ZNF398: variants seen among roughly 807,000 people sequenced by gnomAD.
The protein encoded by ZNF398 is zinc finger DNA binding protein ZER6.
In ZNF398, 18 loss-of-function variants were observed where a neutral mutation model predicts 41.9. That is an observed-to-expected ratio of 0.43 (90% CI 0.30 to 0.64). The LOEUF (loss-of-function observed/expected upper bound fraction) is 0.64. Among genes scored for constraint, ZNF398 ranks in the 30% least tolerant of loss-of-function variants. The pLI, the probability that ZNF398 is intolerant of heterozygous loss-of-function variation, is 0.14. For missense variants in ZNF398, 669 were observed against 822.8 expected (o/e 0.81, Z 2.29); for synonymous variants, 260 against 308.8 (o/e 0.84, Z 1.66).
rs59895177 is a variant in ZNF398, at chr7:149,148,863, C to CTTTTTTTTTTTTTTTT, written c.24+1110_24+1125dup. Among the ~76,000 whole-genome samples the CTTTTTTTTTTTTTTTT allele has an allele frequency of 6.2e-3, 390 of 63,268 alleles. 67 individuals are homozygous for CTTTTTTTTTTTTTTTT. Among genetic ancestry groups the CTTTTTTTTTTTTTTTT allele is most frequent in the Middle Eastern group, 0.018 (1 of 56 alleles). 41.5% of individuals were successfully genotyped at this position (63,268 alleles called of 152,430 possible). On this transcript the variant is annotated intron_variant, in intron 1 of 5. Transcript: ENST00000475153. ...TTTATGCACGGACCTTTTTCTTTGT[C>CTTTTTTTTTTTTTTTT]TTTTTTTTTTTTTTTTTTTTTTTTT...
chr7:149,171,005 G>A (rs1245285571), intron 4 of ZNF398, among the ~76,000 whole-genome samples: 18 of 141,500 alleles, frequency 1.3e-4, no homozygotes, highest in African/African-American at 4.8e-4. Context: ...CACCACGCCC[G>A]GCTAATTTTT....
At chr7:149,169,292 C>T (rs1795283017) in intron 4 of ZNF398, among the ~76,000 whole-genome samples, 1 of 152,124 alleles carries the variant, frequency 6.6e-6, no homozygotes, top group Non-Finnish European at 1.5e-5. Context: ...GCCATGTTGG[C>T]CAGGCCGGTC....
intron 1 of ZNF398, among the ~76,000 whole-genome samples, chr7:149,148,912 C>G (rs1450571804): frequency 1.2e-5 from 1 of 86,202 alleles, no homozygotes; most frequent in Non-Finnish European, 2.1e-5. Context: ...CTATCATGAT[C>G]AGTATTTTAT....
At chr7:149,139,353 C>G (rs1440331435) in intron 2 of ZNF398, among the ~76,000 whole-genome samples, 1 of 152,064 alleles carries the variant, frequency 6.6e-6, no homozygotes, top group African/African-American at 2.4e-5. Context: ...ACCAGTGTAC[C>G]TGGTCTATTG....
intron 5 of ZNF398, 37 bp from the exon 6 acceptor site, chr7:149,178,609 AGT>A: frequency 6.5e-7 from 1 of 1,546,370 alleles, no homozygotes; most frequent in Middle Eastern, 1.8e-4. Flanking sequence ...CTAGTGAGAC[AGT>A]TATTGATGGG....
rs778615097 is a variant in ZNF398 at position 149,179,722 on chromosome 7, C to A, written c.1850C>A (p.Thr617Asn). The A allele has an allele frequency of 3.7e-6, 6 of 1,613,888 alleles. No homozygotes were observed. Among genetic ancestry groups the A allele is most frequent in the Non-Finnish European group, 5.1e-6 (6 of 1,179,904 alleles). ...GGTCCCCTCATAACTGGGCTTGAAA[C>A]TTCTGGCCTGGGTGTCAACACTGAA... ...PPGPLITGLE[T>N]SGLGVNTEGL... is the part of the protein sequence containing the mutation. The change falls in exon 6 of 6, where the codon ACT becomes AAT. Residue 617 changes from threonine (T) to asparagine (N), a missense_variant. This residue lies in a region of ZNF398 where 210 missense variants were observed against 290.4 expected (regional missense o/e 0.72). Transcript: ENST00000475153. The surrounding 1 kb of genome is among the most constrained non-coding windows in gnomAD (Gnocchi z 6.1).
chr7:149,174,149 C>T (rs544115514), intron 4 of ZNF398, among the ~76,000 whole-genome samples: 3 of 152,104 alleles, frequency 2.0e-5, no homozygotes, highest in South Asian at 2.1e-4. Context: ...AAATGAACAC[C>T]GGGTTCAAGT....
intron 2 of ZNF398, among the ~76,000 whole-genome samples, chr7:149,156,262 T>G (rs1794974616): frequency 6.6e-6 from 1 of 151,690 alleles, no homozygotes; most frequent in Non-Finnish European, 1.5e-5. Flanking sequence ...ATCCCACCAC[T>G]TTGGGAGGTT....
chr7:149,174,920 TC>T (rs61601542), intron 4 of ZNF398, among the ~76,000 whole-genome samples: 5,458 of 151,976 alleles, frequency 0.036, 318 homozygotes, highest in African/African-American at 0.12. Flanking sequence ...ATCCAGTCTT[TC>T]CCCCCCTCTG....
Position 149,166,393 on chromosome 7 carries a change from C to T in ZNF398, c.547+109C>T. On this transcript the variant is annotated intron_variant, in intron 3 of 5. Transcript: ENST00000475153. ...ATTCTCACTCTGTCTTCACACACTT[C>T]AAATTCTGGTTTCAAGCCAAAATAT... 5 of 1,414,530 alleles carry T rather than the reference C, an allele frequency of 3.5e-6. No individual in the cohort carries two copies. The South Asian group carries it at 6.4e-5, about 18-fold the overall frequency. 87.6% of individuals were successfully genotyped at this position (1,414,530 alleles called of 1,614,324 possible).
intron 2 of ZNF398, among the ~76,000 whole-genome samples, chr7:149,135,947 G>A (rs746533392): frequency 6.6e-6 from 1 of 151,910 alleles, no homozygotes; most frequent in African/African-American, 2.4e-5. Flanking sequence ...CGGAGACTAC[G>A]TCTCCAAAAA....
intron 2 of ZNF398, among the ~76,000 whole-genome samples, chr7:149,155,724 TTTTTTA>T (rs1794958527): frequency 1.2e-5 from 1 of 83,666 alleles, no homozygotes; most frequent in Non-Finnish European, 2.2e-5. Context: ...TTTTTTTTTT[TTTTTTA>T]ATTTTTTTTT....
At chr7:149,173,093 A>ATTTT (rs71192762) in intron 4 of ZNF398, among the ~76,000 whole-genome samples, 1 of 64,956 alleles carries the variant, frequency 1.5e-5, no homozygotes, top group African/African-American at 5.8e-5. Context: ...GGCAATTTCT[A>ATTTT]TTTTTTTTTT....
chr7:149,175,720 T>C (rs1795446967), intron 4 of ZNF398, among the ~76,000 whole-genome samples: 1 of 152,194 alleles, frequency 6.6e-6, no homozygotes, highest in African/African-American at 2.4e-5. Flanking sequence ...TTTTTGCTCT[T>C]GTTGCCCAGG....
chr7:149,140,766 G>A (rs770022075), intron 2 of ZNF398, among the ~76,000 whole-genome samples: 4 of 151,906 alleles, frequency 2.6e-5, no homozygotes, highest in Non-Finnish European at 5.9e-5. Context: ...CTGGCTGTGC[G>A]TGGTAGCTCA....
At chr7:149,151,593 G>A (rs1443329264) in intron 1 of ZNF398, among the ~76,000 whole-genome samples, 1 of 151,640 alleles carries the variant, frequency 6.6e-6, no homozygotes, top group Non-Finnish European at 1.5e-5. Context: ...TATTTTCTTG[G>A]AAAGATCAAT....
rs772479210 is a variant in ZNF398, at chr7:149,166,857, A to G, written c.588A>G (p.Gln196=). The G allele has an allele frequency of 3.1e-6, 5 of 1,613,284 alleles. No homozygotes were observed. The highest frequency in any genetic ancestry group is 3.4e-6 in the Non-Finnish European group (4 of 1,179,426). The part of the protein sequence containing the change: ...INQPDVLSQI[Q]PEGEHNTEDQ... ...AACCTGATGTCTTATCTCAGATTCA[A>G]CCAGAAGGGGAACATAATACAGAGG... Residue 196 remains glutamine (Q), a synonymous_variant, in exon 4 of 6, where the codon CAA becomes CAG. Transcript: ENST00000475153.
In ZNF398 at chr7:149,141,152, TCTA is replaced by T. The variant is rs1490348332; in HGVS notation, c.-490+12210_-490+12212del. Among the ~76,000 whole-genome samples the T allele has an allele frequency of 2.1e-4, 32 of 152,114 alleles. No homozygotes were observed. In the South Asian group the frequency reaches 2.7e-3, roughly 13 times the overall value. ...AATTTCACAAGGAGGGAGAATCTCATCTACAACACATATATGATAAATCATCTT... is the reference window on the plus strand; with the variant it reads ...AATTTCACAAGGAGGGAGAATCTCATCAACACATATATGATAAATCATCTT... On this transcript the variant is annotated intron_variant, in intron 2 of 6. Transcript: ENST00000426851.
At chr7:149,175,110 G>A (rs147830495) in intron 4 of ZNF398, among the ~76,000 whole-genome samples, 1 of 152,240 alleles carries the variant, frequency 6.6e-6, no homozygotes, top group East Asian at 1.9e-4. Context: ...GGTCGTTTGG[G>A]CTTTCGTCTT....
Sources: allele counts gnomAD v4.1 joint callset (sites outside exome capture counted in the v4.1 genomes callset), GRCh38; gene constraint gnomAD v4.1.1; regional missense constraint gnomAD v4.1.1; non-coding constraint Gnocchi (gnomAD v3.1); transcripts MANE v1.5; gene names NCBI Gene and HGNC (gene_info 2026-07-23, HGNC 2026-07-21).